The following RCC1 variants were observed in gnomAD, a reference collection of about 807,000 sequenced individuals.
RCC1 encodes the protein regulator of chromosome condensation.
A neutral mutation model predicts 44.4 loss-of-function variants in RCC1; 11 were observed. That is an observed-to-expected ratio of 0.25 (90% CI 0.16 to 0.41). The LOEUF is 0.41. Ranked by LOEUF, RCC1 falls within the 10% of genes least tolerant of loss-of-function variation. The pLI is 1.00. For missense variants in RCC1, 386 were observed against 547.1 expected, an observed-to-expected ratio of 0.71 and a Z score of 2.94; for synonymous variants, 213 against 216.5, an observed-to-expected ratio of 0.98 and a Z score of 0.14.
chr1:28,518,878 G>T (rs961454504), intron 4 of RCC1: 1 of 152,300 alleles, frequency 6.6e-6, no homozygotes, highest in Non-Finnish European at 1.5e-5. Flanking sequence ...TCTCTTGCGG[G>T]GCTGGGGGAC....
intron 4 of RCC1, among the ~76,000 whole-genome samples, chr1:28,520,802 G>C (rs1299711891): frequency 6.6e-6 from 1 of 152,196 alleles, no homozygotes; most frequent in Non-Finnish European, 1.5e-5. Flanking sequence ...GAGAGGCCGG[G>C]CTCGGTGGCT....
intron 7 of RCC1, 88 bp from the exon 8 acceptor site, chr1:28,534,962 A>G (rs1664450161): frequency 2.0e-6 from 2 of 987,788 alleles, no homozygotes; most frequent in South Asian, 1.3e-5. Context: ...CCACTTCTCC[A>G]TCCCCATCTG....
chr1:28,530,516 T>C (rs763265801), intron 5 of RCC1: 1 of 1,600,380 alleles, frequency 6.2e-7, no homozygotes, highest in African/African-American at 1.3e-5. Flanking sequence ...GTGTCTGTCT[T>C]TTGCAGACAC....
chr1:28,511,382 GTA>G (rs1244637078), intron 3 of RCC1, among the ~76,000 whole-genome samples: 3 of 150,760 alleles, frequency 2.0e-5, no homozygotes, highest in African/African-American at 7.3e-5. Context: ...CAAGGATACA[GTA>G]TCCAATTTTT....
intron 3 of RCC1, among the ~76,000 whole-genome samples, chr1:28,513,074 CTTT>C (rs930880442): frequency 2.8e-5 from 4 of 143,646 alleles, no homozygotes; most frequent in South Asian, 2.2e-4. Flanking sequence ...CGCCCAGCCT[CTTT>C]TTTTTTTTTA....
chr1:28,510,812 C>T (rs1662477821), intron 3 of RCC1: 1 of 152,344 alleles, frequency 6.6e-6, no homozygotes. Flanking sequence ...GAGTCAGCCC[C>T]ATTCGTCTGT....
chr1:28,511,258 G>A (rs74064874), intron 3 of RCC1, among the ~76,000 whole-genome samples: 102 of 152,268 alleles, frequency 6.7e-4, no homozygotes, highest in African/African-American at 2.4e-3. Flanking sequence ...ACCTCATAGA[G>A]TTGTAATAAG....
chr1:28,536,181 G>A lies in RCC1; in HGVS notation c.818-81G>A. ...TGAGAATGTCCATATCCTGATGGGA[G>A]GTGGCCTCACTGTGGGAGGAGATTG... is the stretch of plus-strand genomic sequence containing the variant. On this transcript the variant is annotated intron_variant, in intron 10 of 12. Coordinates refer to ENST00000683442, the MANE Select transcript of RCC1 (RefSeq NM_001381865.2). The surrounding 1 kb of genome is among the most constrained non-coding windows in gnomAD (Gnocchi z 4.9). The A allele has an allele frequency of 6.4e-7, 1 of 1,571,912 alleles. No individual in the cohort carries two copies. The highest frequency in any genetic ancestry group is 8.6e-7 in the Non-Finnish European group (1 of 1,156,610).
rs1664574573 is a variant in RCC1, at chr1:28,536,679, T to C, written c.938-68T>C. The C allele has an allele frequency of 1.9e-6, 3 of 1,569,302 alleles. No homozygotes were observed. Among genetic ancestry groups the C allele is most frequent in the Non-Finnish European group, 1.7e-6 (2 of 1,150,378 alleles). Reference sequence around the variant, plus strand: ...ACTCCCATGGACAGGTGGACTCACCTAGCCTGCCACCCATTTTGCCTGTAG... The same window carrying C: ...ACTCCCATGGACAGGTGGACTCACCCAGCCTGCCACCCATTTTGCCTGTAG... On this transcript the variant is annotated intron_variant, in intron 11 of 12. Coordinates refer to ENST00000683442, the MANE Select transcript of RCC1 (RefSeq NM_001381865.2). The surrounding 1 kb of genome is among the most constrained non-coding windows in gnomAD (Gnocchi z 4.9).
At chr1:28,512,979 G>A (rs778708115) in intron 3 of RCC1, among the ~76,000 whole-genome samples, 4 of 151,050 alleles carry the variant, frequency 2.6e-5, no homozygotes, top group Non-Finnish European at 5.9e-5. Flanking sequence ...TAGAGATGGG[G>A]TTTCACCATG....
chr1:28,517,225 G>A (rs192195326), intron 4 of RCC1, among the ~76,000 whole-genome samples: 308 of 152,212 alleles, frequency 2.0e-3, no homozygotes, highest in Non-Finnish European at 3.6e-3. Flanking sequence ...ACATGAAATC[G>A]AGAAAACGTC....
At chr1:28,514,461 A>G (rs1401567571) in intron 3 of RCC1, among the ~76,000 whole-genome samples, 2 of 141,578 alleles carry the variant, frequency 1.4e-5, no homozygotes, top group Non-Finnish European at 3.1e-5. Flanking sequence ...AAAAAAAAAC[A>G]AAAAAAAAAC....
chr1:28,506,062 G>T lies in RCC1; in HGVS notation c.-284G>T, dbSNP rs1298126925. 3 of 456,040 alleles carry T rather than the reference G, an allele frequency of 6.6e-6. No homozygotes were observed. Among genetic ancestry groups the T allele is most frequent in the Non-Finnish European group, 8.8e-6 (2 of 226,784 alleles). 28.2% of individuals were successfully genotyped at this position (456,040 alleles called of 1,614,324 possible). ...CTCTCTCCTTTTTGGAGACAGATTC[G>T]CAGTGGTCGCTTCTTCTCCTTGGTA... On this transcript the variant is annotated 5_prime_UTR_variant, in exon 1 of 13. Coordinates refer to ENST00000683442, the MANE Select transcript of RCC1 (RefSeq NM_001381865.2).
chr1:28,513,062 C>T (rs187518584), intron 3 of RCC1, among the ~76,000 whole-genome samples: 32 of 151,258 alleles, frequency 2.1e-4, no homozygotes, highest in Middle Eastern at 3.4e-3. Context: ...TGTGAGCCAC[C>T]GCGCCCAGCC....
At chr1:28,519,041 G>C (rs1464798068) in intron 4 of RCC1, 1 of 152,314 alleles carries the variant, frequency 6.6e-6, no homozygotes, top group Non-Finnish European at 1.5e-5. Context: ...TGTGTGGGGT[G>C]TTACGGGGAG....
At chr1:28,512,901 TCTC>T (rs1003947847) in intron 3 of RCC1, among the ~76,000 whole-genome samples, 2 of 151,932 alleles carry the variant, frequency 1.3e-5, no homozygotes, top group African/African-American at 2.4e-5. Flanking sequence ...TTCACACCAT[TCTC>T]CTGCCTCAGC....
Position 28,514,152 on chromosome 1 carries a change from G to A in RCC1, c.-152-2573G>A, listed in dbSNP as rs1326610151. Reference sequence around the variant, plus strand: ...AGCCTAGGCAACAGAGCAAGACTCCGTCTCAAAAAAAAAAAAGGCGGGGCC... The same window carrying A: ...AGCCTAGGCAACAGAGCAAGACTCCATCTCAAAAAAAAAAAAGGCGGGGCC... On this transcript the variant is annotated intron_variant, in intron 3 of 12. Transcript: ENST00000683442. 3.4e-5 allele frequency among the ~76,000 whole-genome samples: 5 copies of A among 149,106 alleles called. No homozygotes were observed. The South Asian group carries it at 8.4e-4, about 25-fold the overall frequency.
intron 12 of RCC1, 111 bp from the exon 13 acceptor site, chr1:28,537,721 A>T (rs1215843725): frequency 9.2e-7 from 1 of 1,092,864 alleles, no homozygotes; most frequent in Non-Finnish European, 1.3e-6. Context: ...TACCTTGCCA[A>T]GCTGCTATTG....
chr1:28,507,186 TGTAAA>T (rs1379764412), intron 1 of RCC1: 3 of 360,658 alleles, frequency 8.3e-6, no homozygotes, highest in African/African-American at 6.4e-5. Flanking sequence ...AACCGCCTAT[TGTAAA>T]GTAATTAGAA....
Sources: gnomAD v4.1 joint callset for allele counts (sites outside exome capture counted in the v4.1 genomes callset) on GRCh38, gnomAD v4.1.1 for gene constraint, Gnocchi (gnomAD v3.1) non-coding constraint, MANE v1.5 for transcripts, NCBI Gene and HGNC (gene_info 2026-07-23, HGNC 2026-07-21) for gene names.